TMEM135: variants seen among roughly 807,000 people sequenced by gnomAD.
TMEM135 encodes the protein transmembrane protein 135, also known as peroxisomal membrane protein 52.
A neutral mutation model predicts 60.3 loss-of-function variants in TMEM135; 30 were observed. That is an observed-to-expected ratio of 0.50 (90% confidence interval 0.37 to 0.68). The LOEUF (loss-of-function observed/expected upper bound fraction) is 0.68, where lower values mean the gene tolerates loss of function less well. Among genes scored for constraint, TMEM135 ranks in the 30% least tolerant of loss-of-function variants. TMEM135 has a pLI of 0.00. For missense variants in TMEM135, 468 were observed against 548.8 expected (o/e 0.85, Z 1.47); for synonymous variants, 190 against 186.7 (o/e 1.02, Z -0.14).
intron 6 of TMEM135, among the ~76,000 whole-genome samples, chr11:87,250,491 A>G (rs973742991): frequency 2.6e-5 from 4 of 151,672 alleles, no homozygotes; most frequent in African/African-American, 9.7e-5. Flanking sequence ...TTCCATTTTC[A>G]TTTGTTTCAA....
intron 11 of TMEM135, 125 bp downstream of exon 11, chr11:87,313,613 T>C: frequency 4.8e-6 from 4 of 832,296 alleles, no homozygotes; most frequent in Non-Finnish European, 6.0e-6. Context: ...AGAATTCCAG[T>C]TGAGGCACTT....
intron 5 of TMEM135, among the ~76,000 whole-genome samples, chr11:87,183,845 A>G (rs1338223929): frequency 6.8e-6 from 1 of 148,124 alleles, no homozygotes; most frequent in Non-Finnish European, 1.5e-5. Context: ...AATCCCAGCT[A>G]GTTGGGAGGC....
intron 5 of TMEM135, among the ~76,000 whole-genome samples, chr11:87,167,290 G>C (rs484135): frequency 0.37 from 55,933 of 151,868 alleles, 10,828 homozygotes; most frequent in East Asian, 0.67. Context: ...ATTTGAGTAC[G>C]CTTTATTTCT....
intron 4 of TMEM135, among the ~76,000 whole-genome samples, chr11:87,116,690 A>T (rs748827601): frequency 2.6e-5 from 4 of 152,076 alleles, no homozygotes; most frequent in African/African-American, 9.7e-5. Flanking sequence ...CAAAGATATC[A>T]TGGGTTTGGA....
In TMEM135 at chr11:87,250,086, C is replaced by T. The variant is rs11235042; in HGVS notation, c.509+13402C>T. Among the ~76,000 whole-genome samples, 146 of 152,158 alleles carry T rather than the reference C, an allele frequency of 9.6e-4. 1 individual carries two copies. The East Asian group carries it at 0.023, about 24-fold the overall frequency. Reference sequence around the variant, plus strand: ...TCTTGAAGGTATTCCAATTTATTGGCATATAGTTGATCATTATAGTCTCTT... The same window carrying T: ...TCTTGAAGGTATTCCAATTTATTGGTATATAGTTGATCATTATAGTCTCTT... On this transcript the variant is annotated intron_variant, in intron 6 of 14. Transcript: ENST00000305494.
In TMEM135 at chr11:87,129,213, A is replaced by ATTTTTTTTTTTTTTTTTTTTTTTTTTTT. The variant is rs71040295; in HGVS notation, c.397-28108_397-28081dup. 6.9e-5 allele frequency among the ~76,000 whole-genome samples: 8 copies of ATTTTTTTTTTTTTTTTTTTTTTTTTTTT among 116,268 alleles called. 1 individual carries two copies. Among genetic ancestry groups the ATTTTTTTTTTTTTTTTTTTTTTTTTTTT allele is most frequent in the African/African-American group, 1.3e-4 (4 of 30,130 alleles). The allele number at this position is 116,268 out of a possible 152,430, so 76.3% of individuals were successfully genotyped here. On this transcript the variant is annotated intron_variant, in intron 4 of 14. Transcript: ENST00000305494. ...TTCTATACATGTTCCTTATTCCTTA[A>ATTTTTTTTTTTTTTTTTTTTTTTTTTTT]TTTTTTTTTTTTTTTTTTTTTTTTT...
At position 87,244,086 on chromosome 11, in the gene TMEM135, T is replaced by A. The variant is rs1182762765; in HGVS notation, c.509+7402T>A. ...GAGTTGTTGAATTTTGTCAAAGGCC[T>A]TTTCTGCATCTATTGAGATAATCAT... On this transcript the variant is annotated intron_variant, in intron 6 of 14. Transcript: ENST00000305494. Among the ~76,000 whole-genome samples the A allele has an allele frequency of 2.4e-5, 2 of 84,512 alleles. 1 individual carries two copies. Among genetic ancestry groups the A allele is most frequent in the Non-Finnish European group, 5.5e-5 (2 of 36,098 alleles). The allele number at this position is 84,512 out of a possible 152,430, so 55.4% of individuals were successfully genotyped here.
chr11:87,145,473 A>C (rs1938388464), intron 4 of TMEM135, among the ~76,000 whole-genome samples: 1 of 152,092 alleles, frequency 6.6e-6, no homozygotes, highest in South Asian at 2.1e-4. Context: ...GTCATATGGC[A>C]GTTCTATTTT....
intron 4 of TMEM135, among the ~76,000 whole-genome samples, chr11:87,144,523 G>T (rs976990026): frequency 6.6e-6 from 1 of 152,196 alleles, no homozygotes; most frequent in Non-Finnish European, 1.5e-5. Flanking sequence ...AGGAAAGAAA[G>T]TCATTCCCTT....
In TMEM135 at chr11:87,149,570, C is replaced by T. The variant is rs544899968; in HGVS notation, c.397-7771C>T. Among the ~76,000 whole-genome samples, 6 of 152,340 alleles carry T rather than the reference C, an allele frequency of 3.9e-5. No homozygotes were observed. In the South Asian group the frequency reaches 1.2e-3, roughly 32 times the overall value. ...TATTGTCTTAAACAGGAATCTTTCT[C>T]AGTCATAGCCATTTTCCTTCTTGTA... On this transcript the variant is annotated intron_variant, in intron 4 of 14. Transcript: ENST00000305494.
At chr11:87,135,189 T>G (rs1032090717) in intron 4 of TMEM135, among the ~76,000 whole-genome samples, 1 of 152,272 alleles carries the variant, frequency 6.6e-6, no homozygotes, top group Admixed American at 6.5e-5. Flanking sequence ...TGTGGCTTCT[T>G]TTTTCATTCT....
intron 6 of TMEM135, among the ~76,000 whole-genome samples, chr11:87,283,124 C>T (rs982211684): frequency 9.9e-5 from 15 of 151,630 alleles, no homozygotes; most frequent in Non-Finnish European, 7.4e-5. Context: ...CACCTGAGGT[C>T]GGGAGTTCGA....
At chr11:87,150,718 A>G (rs917499531) in intron 4 of TMEM135, among the ~76,000 whole-genome samples, 1 of 152,098 alleles carries the variant, frequency 6.6e-6, no homozygotes, top group Admixed American at 6.6e-5. Flanking sequence ...ATTTTCAAGA[A>G]CACCTAGTAA....
At chr11:87,266,167 G>T (rs1266448115) in intron 6 of TMEM135, among the ~76,000 whole-genome samples, 1 of 152,142 alleles carries the variant, frequency 6.6e-6, no homozygotes, top group Non-Finnish European at 1.5e-5. Flanking sequence ...CTCTTGAGGA[G>T]CCAGAGTTAT....
At chr11:87,058,344 A>ATTAT (rs538181604) in intron 1 of TMEM135, among the ~76,000 whole-genome samples, 1 of 151,674 alleles carries the variant, frequency 6.6e-6, no homozygotes, top group African/African-American at 2.4e-5. Context: ...TATTATTATT[A>ATTAT]TTTTTTTGAC....
intron 1 of TMEM135, among the ~76,000 whole-genome samples, chr11:87,063,801 A>C (rs1358206219): frequency 6.6e-6 from 1 of 152,222 alleles, no homozygotes; most frequent in Non-Finnish European, 1.5e-5. Context: ...TTCTCACAAT[A>C]GACTGTACAG....
At chr11:87,283,686 T>G (rs1942110732) in intron 6 of TMEM135, among the ~76,000 whole-genome samples, 1 of 152,052 alleles carries the variant, frequency 6.6e-6, no homozygotes, top group African/African-American at 2.4e-5. Flanking sequence ...GGTGAAACCC[T>G]GTTTCTGCTA....
chr11:87,120,575 G>A (rs1328356315), intron 4 of TMEM135, among the ~76,000 whole-genome samples: 8 of 143,564 alleles, frequency 5.6e-5, no homozygotes, highest in Non-Finnish European at 1.2e-4. Context: ...TGGTTCAAGC[G>A]ATTCTCCTGC....
At chr11:87,276,389 T>C (rs1421737703) in intron 6 of TMEM135, among the ~76,000 whole-genome samples, 1 of 152,078 alleles carries the variant, frequency 6.6e-6, no homozygotes, top group East Asian at 1.9e-4. Flanking sequence ...AGAACTTGAG[T>C]TGTAACTGCA....
Sources: gnomAD v4.1 joint callset for allele counts (sites outside exome capture counted in the v4.1 genomes callset) on GRCh38, gnomAD v4.1.1 for gene constraint, MANE v1.5 for transcripts, NCBI Gene and HGNC (gene_info 2026-07-23, HGNC 2026-07-21) for gene names.